The following TENM1 variants were observed in gnomAD, a reference collection of about 807,000 sequenced individuals.
The protein encoded by TENM1 is teneurin-1.
In TENM1, 35 loss-of-function variants were observed where a neutral mutation model predicts 174.8. That is an observed-to-expected ratio of 0.20 (90% CI 0.15 to 0.27). The LOEUF (loss-of-function observed/expected upper bound fraction) is 0.27, where lower values mean the gene tolerates loss of function less well. TENM1 is among the 10% of genes least tolerant of loss of function. TENM1 has a pLI of 1.00. For missense variants in TENM1, 1,633 were observed against 2,130.1 expected (o/e 0.77, Z 4.59); for synonymous variants, 781 against 798.7 (o/e 0.98, Z 0.37).
At chrX:124,928,999 T>G (rs1042116408) in intron 1 of TENM1, among the ~76,000 whole-genome samples, 1 of 112,371 alleles carries the variant, frequency 8.9e-6, no homozygotes, top group Admixed American at 9.4e-5. Context: ...CAAGCTGGTC[T>G]CCTGTTGTAC....
chrX:124,788,986 G>A (rs986575194), intron 3 of TENM1, among the ~76,000 whole-genome samples: 3 of 112,214 alleles, frequency 2.7e-5, no homozygotes, highest in Non-Finnish European at 5.6e-5. Context: ...CTCCATGAGG[G>A]CCTCTCCCCT....
chrX:125,000,374 C>G, the TENM1 span, among the ~76,000 whole-genome samples: 2 of 111,449 alleles, frequency 1.8e-5, no homozygotes, highest in Admixed American at 9.5e-5. Flanking sequence ...CTGAGAGTAA[C>G]AGAAGTCCCT....
At chrX:124,774,678 T>C (rs1170338433) in intron 3 of TENM1, among the ~76,000 whole-genome samples, 2 of 111,705 alleles carry the variant, frequency 1.8e-5, no homozygotes, top group African/African-American at 6.5e-5. Context: ...AATGTAGTAC[T>C]GGATTCATGC....
intron 3 of TENM1, among the ~76,000 whole-genome samples, chrX:124,745,020 T>C (rs891777887): frequency 1.8e-5 from 2 of 111,943 alleles, no homozygotes; most frequent in Admixed American, 9.5e-5. Flanking sequence ...GGGCACGCTA[T>C]ATTAAGAATA....
At chrX:124,577,151 C>T (rs750493871) in intron 11 of TENM1, among the ~76,000 whole-genome samples, 14 of 111,776 alleles carry the variant, frequency 1.3e-4, no homozygotes, top group Non-Finnish European at 1.9e-4. Context: ...AACGCTAACT[C>T]TAACTGGAGT....
intron 3 of TENM1, among the ~76,000 whole-genome samples, chrX:124,817,002 T>C (rs1300443319): frequency 9.0e-6 from 1 of 110,993 alleles, no homozygotes; most frequent in Non-Finnish European, 1.9e-5. Context: ...ACCTGTCATC[T>C]ACATTAGGTA....
chrX:125,139,853 C>CGG, the TENM1 span, among the ~76,000 whole-genome samples: 3 of 55,758 alleles, frequency 5.4e-5, no homozygotes, highest in African/African-American at 2.1e-4. Context: ...CACACACACA[C>CGG]ACACGGAGAG....
At chrX:124,674,401 T>C (rs768312105) in intron 5 of TENM1, among the ~76,000 whole-genome samples, 6 of 108,879 alleles carry the variant, frequency 5.5e-5, no homozygotes, top group Non-Finnish European at 1.1e-4. Context: ...CTAATTAGTA[T>C]GTGTAACACT....
intron 3 of TENM1, among the ~76,000 whole-genome samples, chrX:124,746,883 T>G (rs1280326821): frequency 9.0e-6 from 1 of 111,071 alleles, no homozygotes; most frequent in East Asian, 2.8e-4. Context: ...ATCCCAGCAC[T>G]TTAAGAGGCT....
intron 3 of TENM1, among the ~76,000 whole-genome samples, chrX:124,744,299 GT>G (rs746573578): frequency 9.0e-6 from 1 of 111,475 alleles, no homozygotes; most frequent in Non-Finnish European, 1.9e-5. Flanking sequence ...GTTTCGTAAT[GT>G]TAAAAAAAAG....
the TENM1 span, among the ~76,000 whole-genome samples, chrX:125,184,194 AT>A: frequency 4.5e-5 from 5 of 111,674 alleles, no homozygotes; most frequent in Admixed American, 1.9e-4. Context: ...TCTGTCAGGC[AT>A]TTTCCTCTCC....
intron 18 of TENM1, among the ~76,000 whole-genome samples, chrX:124,516,127 C>T (rs1248114963): frequency 8.9e-6 from 1 of 111,994 alleles, no homozygotes; most frequent in East Asian, 2.8e-4. Context: ...AAAAACAGTG[C>T]TGCAGTAACT....
chrX:124,993,554 G>A, the TENM1 span, among the ~76,000 whole-genome samples: 3 of 109,887 alleles, frequency 2.7e-5, no homozygotes, highest in African/African-American at 9.9e-5. Flanking sequence ...CCCTACCCCC[G>A]CACGAATATT....
At chrX:125,119,723 G>A in the TENM1 span, among the ~76,000 whole-genome samples, 1 of 110,398 alleles carries the variant, frequency 9.1e-6, no homozygotes, top group African/African-American at 3.3e-5. Context: ...AGTTCTCCCA[G>A]AATTAAAAAG....
chrX:124,844,659 A>G (rs573127385), intron 3 of TENM1, among the ~76,000 whole-genome samples: 2 of 111,986 alleles, frequency 1.8e-5, no homozygotes, highest in African/African-American at 3.2e-5. Context: ...TTGAGAAATA[A>G]TATGTCACTG....
At chrX:124,440,372 T>C (rs552832712) in intron 23 of TENM1, among the ~76,000 whole-genome samples, 5 of 111,963 alleles carry the variant, frequency 4.5e-5, no homozygotes, top group African/African-American at 1.6e-4. Context: ...CATCATCTCT[T>C]TTATTTGTAA....
chrX:125,026,842 T>C, the TENM1 span, among the ~76,000 whole-genome samples: 27 of 112,223 alleles, frequency 2.4e-4, no homozygotes, highest in Non-Finnish European at 4.5e-4. Flanking sequence ...GTGAAGTTCA[T>C]TTAAATGTGA....
intron 3 of TENM1, among the ~76,000 whole-genome samples, chrX:124,756,799 A>G (rs932148578): frequency 2.7e-5 from 3 of 112,127 alleles, no homozygotes; most frequent in African/African-American, 9.7e-5. Context: ...TGGCTGCAGA[A>G]CAGTGGATTT....
intron 5 of TENM1, among the ~76,000 whole-genome samples, chrX:124,686,973 T>C (rs145157997): frequency 0.025 from 2,763 of 111,094 alleles, 92 homozygotes; most frequent in African/African-American, 0.086. Flanking sequence ...AGAGAGGAAG[T>C]CAAATAGTCT....
Sources: gnomAD v4.1 joint callset for allele counts (sites outside exome capture counted in the v4.1 genomes callset) on GRCh38, gnomAD v4.1.1 for gene constraint, MANE v1.5 for transcripts, NCBI Gene and HGNC (gene_info 2026-07-23, HGNC 2026-07-21) for gene names.